Variants in MMD2 observed in about 807,000 individuals in gnomAD.
MMD2 encodes the protein monocyte to macrophage differentiation associated 2.
MMD2 carries 30 observed loss-of-function variants against 33.5 expected under a neutral mutation model. The observed-to-expected ratio is 0.90, with a 90% CI of 0.67 to 1.22. The LOEUF (loss-of-function observed/expected upper bound fraction) is 1.22. MMD2 is among the 50% of genes most tolerant of loss of function. MMD2 has a pLI of 0.00. For synonymous variants in MMD2, 129 were observed against 123.0 expected, an observed-to-expected ratio of 1.05 and a Z score of -0.32; for missense variants, 364 against 325.4, an observed-to-expected ratio of 1.12 and a Z score of -0.91.
At chr7:4,918,540 G>A (rs1292166960) in intron 3 of MMD2, among the ~76,000 whole-genome samples, 1 of 147,552 alleles carries the variant, frequency 6.8e-6, no homozygotes, top group African/African-American at 2.5e-5. Flanking sequence ...CTGGAGTGCA[G>A]TGGCACTATC....
At chr7:4,952,410 TCA>T (rs756576268) in intron 1 of MMD2, among the ~76,000 whole-genome samples, 102 of 152,318 alleles carry the variant, frequency 6.7e-4, no homozygotes, top group Middle Eastern at 3.4e-3. Flanking sequence ...ACTCAGCTCT[TCA>T]GTCAAGGAGG....
chr7:4,909,717 G>A, intron 6 of MMD2, 164 bp downstream of exon 6: 1 of 909,812 alleles, frequency 1.1e-6, no homozygotes, highest in Non-Finnish European at 1.8e-6. Context: ...TTATAGGCAT[G>A]AGCCACTGTA....
chr7:4,912,072 A>T (rs998059828), intron 4 of MMD2, among the ~76,000 whole-genome samples: 1 of 152,148 alleles, frequency 6.6e-6, no homozygotes, highest in African/African-American at 2.4e-5. Flanking sequence ...ACTGCACTCC[A>T]GCCTGGGCAA....
intron 4 of MMD2, among the ~76,000 whole-genome samples, chr7:4,914,521 G>C (rs956676067): frequency 2.6e-5 from 4 of 151,858 alleles, no homozygotes; most frequent in African/African-American, 4.8e-5. Flanking sequence ...GTTTGTTTTT[G>C]TCCCCAACAA....
chr7:4,908,642 A>G (rs187576325), intron 6 of MMD2, among the ~76,000 whole-genome samples: 44 of 151,884 alleles, frequency 2.9e-4, no homozygotes, highest in Admixed American at 1.4e-3. Context: ...GCTCACGCCT[A>G]TAATCCCAGC....
At chr7:4,932,767 C>T (rs1785626273) in intron 1 of MMD2, among the ~76,000 whole-genome samples, 1 of 151,838 alleles carries the variant, frequency 6.6e-6, no homozygotes, top group Non-Finnish European at 1.5e-5. Context: ...GGATTACAGG[C>T]ATGTGCCACC....
intron 1 of MMD2, among the ~76,000 whole-genome samples, chr7:4,957,268 C>G (rs1786411073): frequency 6.6e-6 from 1 of 151,728 alleles, no homozygotes; most frequent in Non-Finnish European, 1.5e-5. Context: ...TCGCTCAAGC[C>G]CAGGAATTTG....
intron 5 of MMD2, among the ~76,000 whole-genome samples, chr7:4,910,722 G>A (rs376856455): frequency 2.6e-5 from 4 of 152,042 alleles, no homozygotes; most frequent in Non-Finnish European, 5.9e-5. Flanking sequence ...TCCACCACCC[G>A]GGTTCAAACC....
chr7:4,911,261 G>C lies in MMD2; in HGVS notation c.366-15C>G. The stretch of plus-strand genomic sequence containing the variant: ...GAAGGTTCAGCCTGGGAGAGAAAGA[G>C]CCAAGGCCATGGCCCTGAGGGGGGC... On this transcript the variant is annotated splice_polypyrimidine_tract_variant and intron_variant, in intron 4 of 6. Transcript: ENST00000401401. The C allele has an allele frequency of 1.3e-6, 2 of 1,566,086 alleles. No homozygotes were observed. Among genetic ancestry groups the C allele is most frequent in the Non-Finnish European group, 8.7e-7 (1 of 1,155,278 alleles).
At chr7:4,916,616 C>T (rs1356394987) in intron 3 of MMD2, among the ~76,000 whole-genome samples, 1 of 151,994 alleles carries the variant, frequency 6.6e-6, no homozygotes, top group Non-Finnish European at 1.5e-5. Flanking sequence ...CTCCTGAACT[C>T]CAGTGATCCA....
At chr7:4,899,186 G>A in the MMD2 span, among the ~76,000 whole-genome samples, 1 of 152,114 alleles carries the variant, frequency 6.6e-6, no homozygotes, top group Non-Finnish European at 1.5e-5. Flanking sequence ...GAACTTGCCA[G>A]TTCCTTGTTC....
intron 3 of MMD2, among the ~76,000 whole-genome samples, chr7:4,919,707 G>A (rs754732445): frequency 6.6e-5 from 10 of 152,104 alleles, no homozygotes; most frequent in East Asian, 1.9e-4. Context: ...CCAACATGGC[G>A]AAACCCCATC....
At chr7:4,902,934 C>G (rs1462764295), downstream of MMD2, among the ~76,000 whole-genome samples, 1 of 152,140 alleles carries the variant, frequency 6.6e-6, no homozygotes, top group African/African-American at 2.4e-5. Context: ...GTAGCTTTTG[C>G]AAACTGATAC....
At chr7:4,930,764 T>G (rs60684017) in intron 1 of MMD2, among the ~76,000 whole-genome samples, 90,683 of 152,060 alleles carry the variant, frequency 0.6, 27,736 homozygotes, top group African/African-American at 0.74. Flanking sequence ...AATATCTGCT[T>G]TTGTAAGCCG....
chr7:4,901,919 A>G (rs924357323), downstream of MMD2, among the ~76,000 whole-genome samples: 2 of 152,216 alleles, frequency 1.3e-5, no homozygotes, highest in Admixed American at 1.3e-4. Flanking sequence ...GGAAATTGAC[A>G]ATGCTACACA....
At chr7:4,942,725 G>T (rs1785944918) in intron 1 of MMD2, among the ~76,000 whole-genome samples, 1 of 151,470 alleles carries the variant, frequency 6.6e-6, no homozygotes, top group Non-Finnish European at 1.5e-5. Flanking sequence ...CGATTCTCCT[G>T]CCTCCGCCTC....
intron 1 of MMD2, among the ~76,000 whole-genome samples, chr7:4,929,367 C>G (rs1785513763): frequency 6.6e-6 from 1 of 152,124 alleles, no homozygotes; most frequent in East Asian, 1.9e-4. Context: ...GAATTACAGT[C>G]ACAGAGAACA....
chr7:4,903,328 T>C (rs1784819430), downstream of MMD2, among the ~76,000 whole-genome samples: 1 of 152,040 alleles, frequency 6.6e-6, no homozygotes, highest in African/African-American at 2.4e-5. Context: ...GTCAACCCCC[T>C]GTGCAAGCCC....
At chr7:4,919,684 G>A (rs746727488) in intron 3 of MMD2, among the ~76,000 whole-genome samples, 1 of 152,104 alleles carries the variant, frequency 6.6e-6, no homozygotes, top group Non-Finnish European at 1.5e-5. Flanking sequence ...TCAGGAGTTC[G>A]AGACCAGCCT....
Sources: gnomAD v4.1 joint callset for allele counts (sites outside exome capture counted in the v4.1 genomes callset) on GRCh38, gnomAD v4.1.1 for gene constraint, MANE v1.5 for transcripts, NCBI Gene and HGNC (gene_info 2026-07-23, HGNC 2026-07-21) for gene names.